FAM107B: variants seen among roughly 807,000 people sequenced by gnomAD.
The protein encoded by FAM107B is family with sequence similarity 107 member B.
Under a neutral mutation model 31.5 loss-of-function variants are expected in FAM107B, and 21 were observed. That is an observed-to-expected ratio of 0.67 (90% CI 0.47 to 0.96). The LOEUF (loss-of-function observed/expected upper bound fraction) is 0.96. Ranked by LOEUF, FAM107B falls within the 40% of genes least tolerant of loss-of-function variation. The probability of loss-of-function intolerance (pLI) is 0.00; values close to 1 mark genes in which losing one functional copy is unlikely to be tolerated. For synonymous variants in FAM107B, 157 were observed against 141.5 expected, an observed-to-expected ratio of 1.11 and a Z score of -0.78; for missense variants, 452 against 377.1, an observed-to-expected ratio of 1.20 and a Z score of -1.64.
chr10:14,616,296 C>T (rs1334061942), intron 2 of FAM107B, among the ~76,000 whole-genome samples: 3 of 152,078 alleles, frequency 2.0e-5, no homozygotes, highest in Non-Finnish European at 4.4e-5. Context: ...TTCTATGGAG[C>T]TACTGGAAAC....
intron 2 of FAM107B, among the ~76,000 whole-genome samples, chr10:14,598,721 A>G (rs1421955693): frequency 6.6e-6 from 1 of 152,240 alleles, no homozygotes; most frequent in Non-Finnish European, 1.5e-5. Flanking sequence ...TCGCAGTAAC[A>G]TTTTGTAAAG....
intron 2 of FAM107B, among the ~76,000 whole-genome samples, chr10:14,606,562 ATTT>A (rs1852594988): frequency 6.6e-6 from 1 of 152,176 alleles, no homozygotes; most frequent in Non-Finnish European, 1.5e-5. Context: ...ATGTGACTGT[ATTT>A]GGAGACAGGA....
intron 1 of FAM107B, among the ~76,000 whole-genome samples, chr10:14,746,171 A>G (rs1050043914): frequency 1.3e-5 from 2 of 151,952 alleles, no homozygotes; most frequent in Admixed American, 6.6e-5. Context: ...CCATCCCTTT[A>G]TTTTGAGCCT....
intron 2 of FAM107B, among the ~76,000 whole-genome samples, chr10:14,547,742 AAAAAG>A (rs1301268329): frequency 5.3e-5 from 8 of 152,350 alleles, no homozygotes; most frequent in Middle Eastern, 6.8e-3. Context: ...TTTCACTCTT[AAAAAG>A]AAAAAAGAGA....
intron 2 of FAM107B, among the ~76,000 whole-genome samples, chr10:14,607,064 T>C (rs1221193934): frequency 1.3e-5 from 2 of 152,172 alleles, no homozygotes; most frequent in Non-Finnish European, 2.9e-5. Flanking sequence ...GACAAACATC[T>C]GTGATGCAAG....
intron 1 of FAM107B, among the ~76,000 whole-genome samples, chr10:14,711,675 G>A (rs748528661): frequency 3.3e-5 from 5 of 152,200 alleles, no homozygotes; most frequent in Admixed American, 6.5e-5. Flanking sequence ...ACAGAGTCTC[G>A]TTCTGTCGCG....
intron 2 of FAM107B, among the ~76,000 whole-genome samples, chr10:14,632,103 C>T (rs1241746257): frequency 1.3e-5 from 2 of 151,536 alleles, no homozygotes; most frequent in Non-Finnish European, 2.9e-5. Context: ...TCAAGACCAG[C>T]CTGGCCAACA....
intron 1 of FAM107B, among the ~76,000 whole-genome samples, chr10:14,753,285 C>G (rs934337230): frequency 6.6e-6 from 1 of 152,186 alleles, no homozygotes; most frequent in Non-Finnish European, 1.5e-5. Flanking sequence ...TATGATCACC[C>G]TTTTCCCAAC....
chr10:14,687,844 C>CAT (rs1310014145), intron 1 of FAM107B, among the ~76,000 whole-genome samples: 2 of 152,218 alleles, frequency 1.3e-5, no homozygotes, highest in African/African-American at 4.8e-5. Context: ...ACCACACACA[C>CAT]ATACGTGCAC....
chr10:14,708,231 C>T lies in FAM107B; in HGVS notation c.412-40540G>A, dbSNP rs1855564214. Among the ~76,000 whole-genome samples the T allele has an allele frequency of 2.0e-5, 3 of 152,316 alleles. 1 individual carries two copies. In the South Asian group the frequency reaches 6.2e-4, roughly 32 times the overall value. On this transcript the variant is annotated intron_variant, in intron 1 of 4. Transcript: ENST00000181796. Reference sequence around the variant, plus strand: ...TAGCTGGGATTACAGGTGCCTGGCACCACACCTGGCTAATTTTTTTTTAAT... The same window carrying T: ...TAGCTGGGATTACAGGTGCCTGGCATCACACCTGGCTAATTTTTTTTTAAT...
intron 2 of FAM107B, among the ~76,000 whole-genome samples, chr10:14,625,547 C>T (rs892625912): frequency 2.0e-5 from 3 of 152,134 alleles, no homozygotes; most frequent in Non-Finnish European, 1.5e-5. Flanking sequence ...AACAGGAGGG[C>T]CCAGCTCTGC....
chr10:14,708,300 C>T (rs759038949), intron 1 of FAM107B, among the ~76,000 whole-genome samples: 1 of 152,102 alleles, frequency 6.6e-6, no homozygotes, highest in Non-Finnish European at 1.5e-5. Context: ...AGGCTGGTCT[C>T]AAACTCCTGA....
intron 1 of FAM107B, among the ~76,000 whole-genome samples, chr10:14,671,769 CT>C (rs1289788004): frequency 6.6e-6 from 1 of 151,432 alleles, no homozygotes; most frequent in East Asian, 1.9e-4. Flanking sequence ...TGCTCCAATG[CT>C]TTCTTCTGTT....
chr10:14,697,540 A>G (rs796351861), intron 1 of FAM107B, among the ~76,000 whole-genome samples: 23 of 152,348 alleles, frequency 1.5e-4, no homozygotes, highest in African/African-American at 5.3e-4. Flanking sequence ...TCCTCTTACG[A>G]TAGCCTTGAA....
intron 1 of FAM107B, among the ~76,000 whole-genome samples, chr10:14,767,103 G>GAGAGAGAGAGAGAC (rs1833197687): frequency 8.4e-6 from 1 of 119,186 alleles, no homozygotes; most frequent in African/African-American, 3.6e-5. Context: ...GAGAGAGACA[G>GAGAGAGAGAGAGAC]AGAGAGAGAG....
intron 2 of FAM107B, among the ~76,000 whole-genome samples, chr10:14,605,671 C>T (rs555244545): frequency 6.6e-6 from 1 of 152,336 alleles, no homozygotes; most frequent in South Asian, 2.1e-4. Flanking sequence ...TGCCAGAGAA[C>T]TTAAAGAAAC....
At chr10:14,530,757 T>C (rs534932982) in intron 2 of FAM107B, among the ~76,000 whole-genome samples, 3 of 152,338 alleles carry the variant, frequency 2.0e-5, no homozygotes, top group African/African-American at 7.2e-5. Flanking sequence ...GTGGCCTGAC[T>C]TCTATCACTG....
At chr10:14,653,040 T>C (rs1275622148) in intron 2 of FAM107B, among the ~76,000 whole-genome samples, 2 of 152,224 alleles carry the variant, frequency 1.3e-5, no homozygotes, top group Non-Finnish European at 2.9e-5. Context: ...TAACTGGCCT[T>C]GGCTGAACAC....
intron 2 of FAM107B, among the ~76,000 whole-genome samples, chr10:14,590,989 C>CAAAAAAAAAAAAAAAAAAA (rs35000609): frequency 1.5e-5 from 1 of 67,020 alleles, no homozygotes; most frequent in African/African-American, 5.8e-5. Context: ...AACTCCATCT[C>CAAAAAAAAAAAAAAAAAAA]AAAAAAAAAA....
Sources: gnomAD v4.1 joint callset for allele counts (sites outside exome capture counted in the v4.1 genomes callset) on GRCh38, gnomAD v4.1.1 for gene constraint, MANE v1.5 for transcripts, NCBI Gene and HGNC (gene_info 2026-07-23, HGNC 2026-07-21) for gene names.